Variants in NGEF observed in about 807,000 individuals in gnomAD.
The protein encoded by NGEF is ephexin-1.
NGEF carries 31 observed loss-of-function variants against 80.9 expected under a neutral mutation model. That is an observed-to-expected ratio of 0.38 (90% CI 0.29 to 0.52). NGEF has a LOEUF of 0.52. NGEF is among the 20% of genes least tolerant of loss of function. The pLI is 0.84. For missense variants in NGEF, 709 were observed against 926.2 expected, an observed-to-expected ratio of 0.77 and a Z score of 3.04; for synonymous variants, 371 against 370.2, an observed-to-expected ratio of 1.00 and a Z score of -0.03.
chr2:232,948,147 A>ATGTGTGTGTG lies in NGEF; in HGVS notation c.384-20971_384-20962dup, dbSNP rs375640068. On this transcript the variant is annotated intron_variant, in intron 3 of 14. Coordinates refer to ENST00000264051, the MANE Select transcript of NGEF (RefSeq NM_019850.3). ...GGGGTCATTTGAATATAGCCTGGAG[A>ATGTGTGTGTG]TGTGTGTGTGTGTGTGTGTGTGTGT... Among the ~76,000 whole-genome samples, 743 of 141,624 alleles carry ATGTGTGTGTG rather than the reference A, an allele frequency of 5.2e-3. 5 individuals carry two copies. Among genetic ancestry groups the ATGTGTGTGTG allele is most frequent in the African/African-American group, 0.016 (605 of 38,010 alleles). 92.9% of individuals were successfully genotyped at this position (141,624 alleles called of 152,430 possible).
chr2:232,931,161 A>C (rs1266633128), intron 3 of NGEF, among the ~76,000 whole-genome samples: 6 of 152,222 alleles, frequency 3.9e-5, no homozygotes, highest in Non-Finnish European at 4.4e-5. Context: ...GTAAGTTTAA[A>C]GCCTAGCAAG....
At chr2:232,909,240 C>T (rs1487931075) in intron 5 of NGEF, among the ~76,000 whole-genome samples, 2 of 152,250 alleles carry the variant, frequency 1.3e-5, no homozygotes, top group East Asian at 1.9e-4. Context: ...TGAGTTTTAT[C>T]TAGATGGTAA....
At chr2:232,880,798 T>C (rs1691475658) in intron 14 of NGEF, among the ~76,000 whole-genome samples, 1 of 19,616 alleles carries the variant, frequency 5.1e-5, no homozygotes, top group Non-Finnish European at 1.1e-4. Context: ...AGGCTTAGGA[T>C]GTTCCTGGTT....
At chr2:233,007,532 G>A (rs978140164) in intron 1 of NGEF, among the ~76,000 whole-genome samples, 1 of 152,202 alleles carries the variant, frequency 6.6e-6, no homozygotes, top group Non-Finnish European at 1.5e-5. Flanking sequence ...CACACCGGGG[G>A]CTTTTAACCT....
intron 3 of NGEF, among the ~76,000 whole-genome samples, chr2:232,955,137 A>G (rs1423986428): frequency 6.6e-6 from 1 of 152,120 alleles, no homozygotes. Context: ...TTCCTTCAAG[A>G]TATTAATTGT....
chr2:232,885,345 C>T lies in NGEF; in HGVS notation c.1372G>A (p.Val458Ile), dbSNP rs144108657. Residue 458 changes from valine (V) to isoleucine (I), a missense_variant, in exon 10 of 15, where the codon GTC becomes ATC. Transcript: ENST00000264051. Reference sequence around the variant, plus strand: ...TGTTCCGTGCGGCTCATTTTCCTGACGCCCTCGTTGCATGCCTTCACCACC... The same window carrying T: ...TGTTCCGTGCGGCTCATTTTCCTGATGCCCTCGTTGCATGCCTTCACCACC... The part of the protein sequence containing the change: ...EMVVKACNEG[V>I]RKMSRTEQMI... 3.7e-5 allele frequency: 60 copies of T among 1,614,148 alleles called. No individual in the cohort carries two copies. The highest frequency in any genetic ancestry group is 1.6e-4 in the Middle Eastern group (1 of 6,062).
chr2:232,909,892 T>C (rs1484189727), intron 5 of NGEF, among the ~76,000 whole-genome samples: 1 of 152,256 alleles, frequency 6.6e-6, no homozygotes, highest in Admixed American at 6.5e-5. Flanking sequence ...TCTTTTTTCT[T>C]TCACTCAACA....
At chr2:232,894,940 T>A (rs75269119) in intron 5 of NGEF, 24 bp from the exon 6 acceptor site, 171,338 of 1,543,554 alleles carry the variant, frequency 0.11, 11,028 homozygotes, top group South Asian at 0.26. Context: ...ACCCCATGGT[T>A]ACCGCCTGAA....
At position 232,894,932 on chromosome 2, in the gene NGEF, C is replaced by T; in HGVS notation, c.829-16G>A. On this transcript the variant is annotated splice_polypyrimidine_tract_variant and intron_variant, in intron 5 of 14. Coordinates refer to ENST00000264051, the MANE Select transcript of NGEF (RefSeq NM_019850.3). ...CGAACATGGCCTGTAGCAGGGAGAC[C>T]CCATGGTTACCGCCTGAAGTTGGCC... is the stretch of plus-strand genomic sequence containing the variant. The T allele has an allele frequency of 1.3e-6, 2 of 1,555,722 alleles. No individual in the cohort carries two copies. Among genetic ancestry groups the T allele is most frequent in the South Asian group, 2.3e-5 (2 of 86,550 alleles).
chr2:232,989,439 T>C (rs1265523725), intron 1 of NGEF, among the ~76,000 whole-genome samples: 1 of 152,134 alleles, frequency 6.6e-6, no homozygotes, highest in African/African-American at 2.4e-5. Context: ...AGAGTGAGAC[T>C]CTGCCTCAAA....
intron 8 of NGEF, among the ~76,000 whole-genome samples, 178 bp downstream of exon 8, chr2:232,891,180 G>A (rs1048497017): frequency 5.9e-5 from 9 of 152,242 alleles, no homozygotes; most frequent in Non-Finnish European, 1.0e-4. Flanking sequence ...TCCCCTCTGC[G>A]ATGGGCTCCC....
chr2:232,888,230 ACACACACG>A (rs1220047831), intron 8 of NGEF, 123 bp from the exon 9 acceptor site: 44 of 656,930 alleles, frequency 6.7e-5, no homozygotes, highest in Middle Eastern at 2.5e-4. Flanking sequence ...ATGCACACAC[ACACACACG>A]CACGCACGCA....
At chr2:232,967,421 G>A (rs1694084031) in intron 3 of NGEF, among the ~76,000 whole-genome samples, 2 of 151,994 alleles carry the variant, frequency 1.3e-5, no homozygotes, top group Non-Finnish European at 2.9e-5. Context: ...TGCAACCTCC[G>A]CCTCCTGGAT....
At chr2:232,901,287 G>T in intron 5 of NGEF, 1 of 842,806 alleles carries the variant, frequency 1.2e-6, no homozygotes, top group Non-Finnish European at 1.4e-6. Flanking sequence ...TCCTGCCTCC[G>T]CACTCGGATC....
chr2:232,991,686 T>A (rs1187943940), intron 1 of NGEF, among the ~76,000 whole-genome samples: 1 of 152,196 alleles, frequency 6.6e-6, no homozygotes, highest in Non-Finnish European at 1.5e-5. Flanking sequence ...GATCTCCATA[T>A]TCAACACGAC....
intron 9 of NGEF, among the ~76,000 whole-genome samples, chr2:232,886,364 T>C (rs1235111138): frequency 6.6e-6 from 1 of 151,670 alleles, no homozygotes; most frequent in Non-Finnish European, 1.5e-5. Flanking sequence ...GCCATGTGTG[T>C]GCGGTGTGTA....
At chr2:232,942,315 A>C (rs1693453307) in intron 3 of NGEF, among the ~76,000 whole-genome samples, 1 of 152,200 alleles carries the variant, frequency 6.6e-6, no homozygotes, top group Non-Finnish European at 1.5e-5. Context: ...GGCCTGAGTG[A>C]GCCTGCCCCA....
chr2:232,927,295 C>G, intron 3 of NGEF, 109 bp from the exon 4 acceptor site: 2 of 1,257,742 alleles, frequency 1.6e-6, no homozygotes, highest in Non-Finnish European at 2.1e-6. Flanking sequence ...CCGGACCTTA[C>G]CCGGGACCGT....
chr2:232,906,946 T>G (rs897693997), intron 5 of NGEF, among the ~76,000 whole-genome samples: 5 of 150,642 alleles, frequency 3.3e-5, no homozygotes, highest in Admixed American at 3.3e-4. Context: ...TTAAGGGCGG[T>G]GCAAGATGTG....
Sources: allele counts gnomAD v4.1 joint callset (sites outside exome capture counted in the v4.1 genomes callset), GRCh38; gene constraint gnomAD v4.1.1; transcripts MANE v1.5; gene names NCBI Gene and HGNC (gene_info 2026-07-23, HGNC 2026-07-21).